Variants in NLRP8 observed in about 807,000 individuals in gnomAD.
The protein encoded by NLRP8 is NACHT, LRR and PYD domains-containing protein 8.
NLRP8 carries 86 observed loss-of-function variants against 88.7 expected under a neutral mutation model. The observed-to-expected ratio is 0.97, with a 90% CI of 0.81 to 1.16. The LOEUF is 1.16. NLRP8 is among the 50% of genes most tolerant of loss of function. The pLI is 0.00. For synonymous variants in NLRP8, 504 were observed against 494.6 expected (o/e 1.02, Z -0.25); for missense variants, 1,342 against 1,286.5 (o/e 1.04, Z -0.66).
Position 55,950,765 on chromosome 19 carries a change from C to G in NLRP8, c.368-1773C>G, listed in dbSNP as rs144408619. ...CCAGGCTGGGCACGATGGCTCACGC[C>G]TATAATCCCAGCAGTCTGAAAGGCC... On this transcript the variant is annotated intron_variant, in intron 1 of 9. Transcript: ENST00000291971. Among the ~76,000 whole-genome samples, 595 of 152,258 alleles carry G rather than the reference C, an allele frequency of 3.9e-3. 3 individuals are homozygous for G. Among genetic ancestry groups the G allele is most frequent in the African/African-American group, 0.014 (574 of 41,556 alleles).
chr19:55,961,677 C>T (rs1175360399), intron 3 of NLRP8, among the ~76,000 whole-genome samples: 1 of 152,076 alleles, frequency 6.6e-6, no homozygotes, highest in Non-Finnish European at 1.5e-5. Context: ...TGGCGTGTGC[C>T]TGTAACCCCA....
At chr19:55,986,651 G>C (rs1980854447) in intron 9 of NLRP8, among the ~76,000 whole-genome samples, 1 of 152,218 alleles carries the variant, frequency 6.6e-6, no homozygotes, top group African/African-American at 2.4e-5. Flanking sequence ...TGTTCCCTGG[G>C]GCTGGTGGTT....
In NLRP8 at chr19:55,955,093, G is replaced by T. The variant is rs773936941; in HGVS notation, c.1035G>T (p.Leu345Phe). 4 of 1,614,058 alleles carry T rather than the reference G, an allele frequency of 2.5e-6. No individual in the cohort carries two copies. In the East Asian group the frequency reaches 6.7e-5, roughly 27 times the overall value. The change falls in exon 3 of 10, where the codon TTG becomes TTT. Residue 345 changes from leucine (L) to phenylalanine (F), a missense_variant. By Grantham distance (22) the Leu-to-Phe change is conservative. Transcript: ENST00000291971. ...CCTCTTGGCAGACATGCAAGCCCTT[G>T]CTGAAATGTCCCTCTCTCGTAACCC...
intron 7 of NLRP8, 140 bp from the exon 8 acceptor site, chr19:55,975,989 CAAAA>C: frequency 6.1e-6 from 5 of 822,984 alleles, no homozygotes; most frequent in African/African-American, 1.7e-5. Context: ...TATGCAAAAA[CAAAA>C]AACAAACAAA....
chr19:55,980,644 C>G (rs1174085712), intron 9 of NLRP8, among the ~76,000 whole-genome samples: 1 of 152,122 alleles, frequency 6.6e-6, no homozygotes, highest in African/African-American at 2.4e-5. Context: ...CTGGCTTCCT[C>G]CAGAACGAGA....
At position 55,952,543 on chromosome 19, in the gene NLRP8, C is replaced by A; in HGVS notation, c.373C>A (p.Leu125Met). ...CCTCCTTTTTTCTGTTACAGCCATT[C>A]TGCCTACCTTGGAACCAGAGGACTT... The change falls in exon 2 of 10, where the codon CTG becomes ATG. Residue 125 changes from leucine to methionine, a missense_variant. Transcript: ENST00000291971. 6.2e-7 allele frequency: 1 copy of A among 1,613,696 alleles called. No individual in the cohort carries two copies. The highest frequency in any genetic ancestry group is 1.3e-5 in the African/African-American group (1 of 75,030).
At chr19:55,974,781 G>T (rs958032130) in intron 7 of NLRP8, among the ~76,000 whole-genome samples, 7 of 151,586 alleles carry the variant, frequency 4.6e-5, no homozygotes, top group Non-Finnish European at 7.4e-5. Context: ...TTTTACTGGG[G>T]CTCGTGGCAT....
intron 7 of NLRP8, among the ~76,000 whole-genome samples, chr19:55,975,874 T>G (rs1980289745): frequency 6.6e-6 from 1 of 152,136 alleles, no homozygotes; most frequent in Admixed American, 6.5e-5. Flanking sequence ...ATTCTAAAAT[T>G]GTGGTGATGA....
chr19:55,972,500 G>A, intron 6 of NLRP8, among the ~76,000 whole-genome samples: 1 of 151,728 alleles, frequency 6.6e-6, no homozygotes, highest in East Asian at 1.9e-4. Context: ...CTTTTTCGTG[G>A]TGATTTCTGG....
intron 3 of NLRP8, among the ~76,000 whole-genome samples, chr19:55,961,267 T>C (rs1979596958): frequency 6.6e-6 from 1 of 152,156 alleles, no homozygotes; most frequent in Non-Finnish European, 1.5e-5. Context: ...TCAGCCTCTC[T>C]GAAACGATTG....
chr19:55,979,559 C>A lies in NLRP8; in HGVS notation c.3042C>A (p.Val1014=), dbSNP rs1256258817. 1 of 1,614,124 alleles carries A rather than the reference C, an allele frequency of 6.2e-7. No homozygotes were observed. Among genetic ancestry groups the A allele is most frequent in the Admixed American group, 1.7e-5 (1 of 60,014 alleles). Residue 1014 remains valine (V), a synonymous_variant, in exon 9 of 10, where the codon GTC becomes GTA. Transcript: ENST00000291971. ...CAAGCCAAAAGAAGAGAGAAGAGGT[C>A]ATTTTGTAAGTCTCCACCGGGTTTC...
In NLRP8 at chr19:55,948,039, G is replaced by A; in HGVS notation, c.137G>A (p.Arg46Lys). Reference sequence around the variant, plus strand: ...GAAAATGGGGTCATGCTGTACATGAGAAACGTGAGCCATGAGGAGCTACAA... The same window carrying A: ...GAAAATGGGGTCATGCTGTACATGAAAAACGTGAGCCATGAGGAGCTACAA... Residue 46 changes from arginine to lysine, a missense_variant, in exon 1 of 10, where the codon AGA becomes AAA. Physicochemically the swap from Arg to Lys is conservative, Grantham distance 26. Transcript: ENST00000291971. The A allele has an allele frequency of 6.2e-7, 1 of 1,614,134 alleles. No homozygotes were observed. The highest frequency in any genetic ancestry group is 8.5e-7 in the Non-Finnish European group (1 of 1,180,036).
intron 3 of NLRP8, among the ~76,000 whole-genome samples, chr19:55,956,579 T>C (rs2123191601): frequency 6.6e-6 from 1 of 152,050 alleles, no homozygotes; most frequent in Non-Finnish European, 1.5e-5. Context: ...ATATCTACGG[T>C]GATACATGTT....
At chr19:55,963,712 G>A (rs897476654) in intron 4 of NLRP8, among the ~76,000 whole-genome samples, 2 of 151,830 alleles carry the variant, frequency 1.3e-5, no homozygotes, top group East Asian at 1.9e-4. Context: ...ACCATTGCCC[G>A]GCTAATTTTT....
chr19:55,950,432 C>A (rs193240196), intron 1 of NLRP8, among the ~76,000 whole-genome samples: 139 of 151,886 alleles, frequency 9.2e-4, no homozygotes, highest in African/African-American at 3.3e-3. Context: ...GAAACACACA[C>A]ACACACACAC....
chr19:55,962,730 G>C (rs1380427734), intron 4 of NLRP8, among the ~76,000 whole-genome samples: 1 of 152,152 alleles, frequency 6.6e-6, no homozygotes, highest in African/African-American at 2.4e-5. Context: ...CAGTGATGTT[G>C]AGCCATGATC....
chr19:55,969,962 C>T (rs1649502239), intron 5 of NLRP8, among the ~76,000 whole-genome samples: 2 of 152,158 alleles, frequency 1.3e-5, no homozygotes, highest in Admixed American at 6.6e-5. Flanking sequence ...CCTTCTCTAA[C>T]GTCACTGGAT....
At chr19:55,970,902 G>A (rs568176513) in intron 6 of NLRP8, among the ~76,000 whole-genome samples, 178 of 152,152 alleles carry the variant, frequency 1.2e-3, no homozygotes, top group African/African-American at 3.6e-3. Flanking sequence ...ATAAAAGTAC[G>A]GATTTATACC....
chr19:55,980,926 T>C (rs1038857457), intron 9 of NLRP8, among the ~76,000 whole-genome samples, 133 bp from the exon 10 acceptor site: 6 of 152,152 alleles, frequency 3.9e-5, no homozygotes. Flanking sequence ...CCTATTTGTC[T>C]TGACCTACTG....
Sources: allele counts gnomAD v4.1 joint callset (sites outside exome capture counted in the v4.1 genomes callset), GRCh38; gene constraint gnomAD v4.1.1; transcripts MANE v1.5; gene names NCBI Gene and HGNC (gene_info 2026-07-23, HGNC 2026-07-21).